Variants in ANKS1B observed in about 807,000 individuals in gnomAD.
ANKS1B encodes the protein ankyrin repeat and sterile alpha motif domain containing 1B, also known as ankyrin repeat and sterile alpha motif domain-containing protein 1B.
ANKS1B carries 36 observed loss-of-function variants against 148.3 expected under a neutral mutation model. That is an observed-to-expected ratio of 0.24 (90% CI 0.19 to 0.32). The LOEUF (loss-of-function observed/expected upper bound fraction) is 0.32. Among genes scored for constraint, ANKS1B ranks in the 10% least tolerant of loss-of-function variants. The probability of loss-of-function intolerance (pLI) is 1.00; values close to 1 mark genes in which losing one functional copy is unlikely to be tolerated. For synonymous variants in ANKS1B, 542 were observed against 560.8 expected (o/e 0.97, Z 0.47); for missense variants, 1,157 against 1,542.6 (o/e 0.75, Z 4.19).
At chr12:98,821,781 C>T (rs2099195075) in intron 19 of ANKS1B, among the ~76,000 whole-genome samples, 1 of 151,908 alleles carries the variant, frequency 6.6e-6, no homozygotes. Flanking sequence ...ATAATCTTTG[C>T]ATTTTTAGCA....
intron 9 of ANKS1B, among the ~76,000 whole-genome samples, chr12:99,629,435 T>C (rs921585512): frequency 1.3e-5 from 2 of 152,162 alleles, no homozygotes; most frequent in South Asian, 2.1e-4. Context: ...TACTAGGAGG[T>C]ACTCTACTAT....
chr12:98,796,162 G>A (rs995212483), intron 22 of ANKS1B, among the ~76,000 whole-genome samples: 1 of 152,094 alleles, frequency 6.6e-6, no homozygotes, highest in Non-Finnish European at 1.5e-5. Flanking sequence ...GTGGATTTTA[G>A]TCATCTTTGT....
intron 17 of ANKS1B, chr12:98,956,432 C>T (rs1446915573): frequency 6.6e-6 from 1 of 152,162 alleles, no homozygotes; most frequent in African/African-American, 2.4e-5. Flanking sequence ...CCATGTTACT[C>T]TTCTGCTTAA....
intron 1 of ANKS1B, among the ~76,000 whole-genome samples, chr12:99,929,801 T>G (rs939273679): frequency 6.6e-6 from 1 of 152,208 alleles, no homozygotes; most frequent in Non-Finnish European, 1.5e-5. Flanking sequence ...AAAGATCAGA[T>G]AGTTGCAGAT....
intron 9 of ANKS1B, among the ~76,000 whole-genome samples, chr12:99,525,826 T>C (rs1455541617): frequency 6.6e-6 from 1 of 152,128 alleles, no homozygotes; most frequent in Non-Finnish European, 1.5e-5. Context: ...AAAAGATTGA[T>C]AAATTTGAAT....
intron 12 of ANKS1B, among the ~76,000 whole-genome samples, chr12:99,292,344 A>G (rs1445505362): frequency 6.7e-6 from 1 of 150,204 alleles, no homozygotes; most frequent in Non-Finnish European, 1.5e-5. Context: ...AAAAATAAAA[A>G]TAAAAATAAA....
At chr12:98,967,377 C>T (rs1226004382) in intron 17 of ANKS1B, among the ~76,000 whole-genome samples, 1 of 151,988 alleles carries the variant, frequency 6.6e-6, no homozygotes, top group African/African-American at 2.4e-5. Flanking sequence ...GGGAAAAGAC[C>T]TCCACTATCT....
At chr12:99,712,502 C>A (rs1244351698) in intron 8 of ANKS1B, among the ~76,000 whole-genome samples, 1 of 152,194 alleles carries the variant, frequency 6.6e-6, no homozygotes, top group African/African-American at 2.4e-5. Flanking sequence ...GAGAAGAGGG[C>A]AAGGGCCCCA....
intron 17 of ANKS1B, among the ~76,000 whole-genome samples, chr12:99,036,616 T>C (rs2099955725): frequency 6.6e-6 from 1 of 152,218 alleles, no homozygotes; most frequent in Non-Finnish European, 1.5e-5. Context: ...TTGGCATCAG[T>C]ACTTGGAAAG....
chr12:99,659,048 T>A (rs911698066), intron 8 of ANKS1B, among the ~76,000 whole-genome samples: 112 of 152,278 alleles, frequency 7.4e-4, no homozygotes, highest in African/African-American at 2.6e-3. Flanking sequence ...TATTAAGGGG[T>A]GTGTATAATT....
intron 12 of ANKS1B, among the ~76,000 whole-genome samples, chr12:99,288,613 G>T (rs182665298): frequency 1.3e-5 from 2 of 152,116 alleles, no homozygotes; most frequent in Non-Finnish European, 2.9e-5. Flanking sequence ...GGGTGATAAA[G>T]TTAAAGTGTA....
At chr12:99,517,557 A>G (rs1439083015) in intron 9 of ANKS1B, among the ~76,000 whole-genome samples, 1 of 128,526 alleles carries the variant, frequency 7.8e-6, no homozygotes, top group Non-Finnish European at 1.6e-5. Context: ...GTCTCTAGTA[A>G]AAATACAAAA....
chr12:99,566,432 C>T (rs2097394996), intron 9 of ANKS1B, among the ~76,000 whole-genome samples: 1 of 152,190 alleles, frequency 6.6e-6, no homozygotes. Context: ...CTCCTCACTT[C>T]TGAGCCTAAC....
chr12:99,832,850 A>G (rs1398931836), intron 1 of ANKS1B, among the ~76,000 whole-genome samples: 1 of 152,214 alleles, frequency 6.6e-6, no homozygotes, highest in Non-Finnish European at 1.5e-5. Context: ...ATTCATTCAC[A>G]CTATGAAATG....
intron 8 of ANKS1B, among the ~76,000 whole-genome samples, chr12:99,724,781 G>A (rs1177113845): frequency 1.3e-5 from 2 of 152,160 alleles, no homozygotes; most frequent in Admixed American, 1.3e-4. Context: ...CCCACAAAGG[G>A]AAGCCCATCA....
At chr12:99,943,035 C>T (rs2094958704) in intron 1 of ANKS1B, among the ~76,000 whole-genome samples, 1 of 152,128 alleles carries the variant, frequency 6.6e-6, no homozygotes, top group African/African-American at 2.4e-5. Context: ...TCCTGATCGA[C>T]AAAATGTGCT....
intron 9 of ANKS1B, among the ~76,000 whole-genome samples, chr12:99,513,580 G>T (rs1412302161): frequency 6.6e-6 from 1 of 151,920 alleles, no homozygotes; most frequent in Admixed American, 6.6e-5. Context: ...CTTCTCATTT[G>T]TTCCCTATCA....
intron 25 of ANKS1B, among the ~76,000 whole-genome samples, chr12:98,756,816 C>T (rs1256993829): frequency 6.6e-6 from 1 of 151,104 alleles, no homozygotes; most frequent in Non-Finnish European, 1.5e-5. Flanking sequence ...CAACCTGTGC[C>T]TCCTGGCTTC....
intron 11 of ANKS1B, among the ~76,000 whole-genome samples, chr12:99,422,234 T>C (rs2095110512): frequency 6.6e-6 from 1 of 152,200 alleles, no homozygotes; most frequent in Admixed American, 6.5e-5. Flanking sequence ...AAAATAATTC[T>C]TCTTGATGGG....
Sources: gnomAD v4.1 joint callset for allele counts (sites outside exome capture counted in the v4.1 genomes callset) on GRCh38, gnomAD v4.1.1 for gene constraint, MANE v1.5 for transcripts, NCBI Gene and HGNC (gene_info 2026-07-23, HGNC 2026-07-21) for gene names.